The following SLC13A4 variants were observed in gnomAD, a reference collection of about 807,000 sequenced individuals.
The protein encoded by SLC13A4 is solute carrier family 13 member 4.
A neutral mutation model predicts 72.7 loss-of-function variants in SLC13A4; 28 were observed. The observed-to-expected ratio is 0.39, with a 90% CI of 0.29 to 0.53. SLC13A4 has a LOEUF of 0.53. SLC13A4 is among the 20% of genes least tolerant of loss of function. SLC13A4 has a pLI of 0.78. For synonymous variants in SLC13A4, 312 were observed against 325.5 expected, an observed-to-expected ratio of 0.96 and a Z score of 0.45; for missense variants, 653 against 788.0, an observed-to-expected ratio of 0.83 and a Z score of 2.05.
chr7:135,706,355 C>T (rs538326113), intron 3 of SLC13A4, 55 bp from the exon 4 acceptor site: 41 of 1,528,878 alleles, frequency 2.7e-5, no homozygotes, highest in Non-Finnish European at 3.5e-5. Flanking sequence ...ATCCCTGCGG[C>T]TCCACAGTGG....
intron 2 of SLC13A4, among the ~76,000 whole-genome samples, chr7:135,717,691 T>A (rs1487753684): frequency 6.6e-6 from 1 of 152,174 alleles, no homozygotes; most frequent in African/African-American, 2.4e-5. Flanking sequence ...TTGTGATGGT[T>A]AACTTTGCAT....
At position 135,694,114 on chromosome 7, in the gene SLC13A4, G is replaced by A. The variant is rs1303759077; in HGVS notation, c.1121+23C>T. ...GCTGTGTTTCTGCTGGAGAAGGAGG[G>A]AAGAGGAATGGCTGATTTTTACCTA... On this transcript the variant is annotated intron_variant, in intron 10 of 15. Coordinates refer to ENST00000682651, the MANE Select transcript of SLC13A4 (RefSeq NM_001318192.2). The A allele has an allele frequency of 4.3e-6, 6 of 1,393,924 alleles. No individual in the cohort carries two copies. The East Asian group carries it at 1.4e-4, about 32-fold the overall frequency. The allele number at this position is 1,393,924 out of a possible 1,614,324, so 86.3% of individuals were successfully genotyped here. A position where few individuals can be genotyped will look rare whatever the true frequency, so the allele number is the denominator to read the frequency against.
At chr7:135,695,909 G>A (rs2129494239) in intron 8 of SLC13A4, among the ~76,000 whole-genome samples, 1 of 152,316 alleles carries the variant, frequency 6.6e-6, no homozygotes, top group Non-Finnish European at 1.5e-5. Context: ...GGAGAATCTG[G>A]AGCTTTAGGG....
Position 135,727,513 on chromosome 7 carries a change from C to T in SLC13A4, c.-17G>A. The T allele has an allele frequency of 1.3e-6, 2 of 1,546,150 alleles. No individual in the cohort carries two copies. Among genetic ancestry groups the T allele is most frequent in the Non-Finnish European group, 1.7e-6 (2 of 1,143,448 alleles). ...CAGGCCCATCGCGCCTCTGTCCTCT[C>T]CAGCTCGTCCTTGGACCCCGCTCTG... is the stretch of plus-strand genomic sequence containing the variant. On this transcript the variant is annotated 5_prime_UTR_variant, in exon 1 of 16. Transcript: ENST00000682651.
chr7:135,726,143 G>T (rs1178335031), intron 1 of SLC13A4, among the ~76,000 whole-genome samples: 7 of 151,938 alleles, frequency 4.6e-5, no homozygotes, highest in African/African-American at 1.7e-4. Flanking sequence ...ATGTCTCTCG[G>T]TAACAGTCCC....
intron 2 of SLC13A4, among the ~76,000 whole-genome samples, chr7:135,713,461 T>C (rs1037470660): frequency 6.6e-6 from 1 of 152,206 alleles, no homozygotes; most frequent in East Asian, 1.9e-4. Context: ...TGTACCTCTG[T>C]CACCAATTTT....
intron 8 of SLC13A4, among the ~76,000 whole-genome samples, chr7:135,698,334 C>CTTTT (rs10563133): frequency 9.6e-6 from 1 of 104,420 alleles, no homozygotes; most frequent in Admixed American, 1.1e-4. Context: ...TGCTGGGACT[C>CTTTT]TTTTTTTTTT....
intron 10 of SLC13A4, 37 bp downstream of exon 10, chr7:135,694,100 G>T: frequency 1.6e-6 from 2 of 1,260,966 alleles, no homozygotes; most frequent in Non-Finnish European, 2.3e-6. Context: ...CTGTGTTTCT[G>T]CTGGAGAAGG....
In SLC13A4 at chr7:135,694,232, T is replaced by G. The variant is rs1795853430; in HGVS notation, c.1026A>C (p.Lys342Asn). The change falls in exon 10 of 16, where the codon AAA (lysine) becomes AAC (asparagine). Residue 342 changes from lysine to asparagine, a missense_variant. Physicochemically the swap from Lys to Asn is moderately conservative, Grantham distance 94 (BLOSUM62 0). Coordinates refer to ENST00000682651, the MANE Select transcript of SLC13A4 (RefSeq NM_001318192.2). ...TCTTCTTGCTCAGAGAGCAGGTCTC[T>G]TTAAAACTGAGAAGGGAGAATGAGC... ...MHWLFLGCNF[K>N]ETCSLSKKKK... 5 of 1,597,866 alleles carry G rather than the reference T, an allele frequency of 3.1e-6. No individual in the cohort carries two copies. In the South Asian group the frequency reaches 5.5e-5, roughly 18 times the overall value.
intron 2 of SLC13A4, among the ~76,000 whole-genome samples, chr7:135,714,831 C>T (rs1584737113): frequency 6.6e-6 from 1 of 152,216 alleles, no homozygotes. Flanking sequence ...GCAGCGGCTG[C>T]GGGTTATCCC....
At chr7:135,684,497 A>G (rs1308481612) in intron 14 of SLC13A4, among the ~76,000 whole-genome samples, 1 of 152,082 alleles carries the variant, frequency 6.6e-6, no homozygotes, top group Admixed American at 6.5e-5. Context: ...CCTAGAAGGG[A>G]TGTTTGATTT....
intron 8 of SLC13A4, 143 bp downstream of exon 8, chr7:135,699,221 T>C (rs1344198653): frequency 4.8e-6 from 4 of 830,358 alleles, no homozygotes; most frequent in African/African-American, 1.8e-5. Context: ...ATTACAGATA[T>C]GAGCCACTGT....
At chr7:135,692,123 G>A in intron 11 of SLC13A4, 200 bp downstream of exon 11, 1 of 590,656 alleles carries the variant, frequency 1.7e-6, no homozygotes, top group East Asian at 2.9e-5. Context: ...ACTACATGCA[G>A]CACTGGATTC....
chr7:135,720,118 G>T (rs1796515262), intron 2 of SLC13A4, among the ~76,000 whole-genome samples: 1 of 152,154 alleles, frequency 6.6e-6, no homozygotes, highest in Admixed American at 6.5e-5. Context: ...GGAAAGTTCT[G>T]TTGTCCATTA....
chr7:135,692,703 G>A (rs3112336), intron 10 of SLC13A4: 1 of 356,444 alleles, frequency 2.8e-6, no homozygotes, highest in Non-Finnish European at 5.1e-6. Context: ...AGCCTACAAG[G>A]AGAGTGCAGT....
Position 135,702,944 on chromosome 7 carries a change from G to T in SLC13A4, c.594-60C>A, listed in dbSNP as rs559738045. 7.1e-5 allele frequency: 92 copies of T among 1,289,682 alleles called. No individual in the cohort carries two copies. In the African/African-American group the frequency reaches 8.8e-4, roughly 12 times the overall value. 79.9% of individuals were successfully genotyped at this position (1,289,682 alleles called of 1,614,324 possible). A position where few individuals can be genotyped will look rare whatever the true frequency, so the allele number is the denominator to read the frequency against. ...GTGAGGCCGACTCTTGGGAGGGGAG[G>T]TCCCCCTGCATCAGGCGTTTGGTGT... On this transcript the variant is annotated intron_variant, in intron 5 of 15. Transcript: ENST00000682651.
At chr7:135,712,216 G>A (rs1223702812) in intron 2 of SLC13A4, among the ~76,000 whole-genome samples, 1 of 151,764 alleles carries the variant, frequency 6.6e-6, no homozygotes, top group African/African-American at 2.4e-5. Flanking sequence ...TCCAGGCCCA[G>A]CTTCAGTGGG....
chr7:135,703,028 C>T, intron 5 of SLC13A4, 144 bp from the exon 6 acceptor site: 1 of 623,156 alleles, frequency 1.6e-6, no homozygotes, highest in Non-Finnish European at 2.8e-6. Context: ...CTAATCTCTC[C>T]CTTGTCTTCC....
chr7:135,699,786 T>TA (rs1182546798), intron 7 of SLC13A4, among the ~76,000 whole-genome samples: 2 of 152,198 alleles, frequency 1.3e-5, no homozygotes, highest in Non-Finnish European at 2.9e-5. Flanking sequence ...AATGAAGTAA[T>TA]ATATGTAAAG....
Sources: allele counts gnomAD v4.1 joint callset (sites outside exome capture counted in the v4.1 genomes callset), GRCh38; gene constraint gnomAD v4.1.1; transcripts MANE v1.5; gene names NCBI Gene and HGNC (gene_info 2026-07-23, HGNC 2026-07-21).